The following NFAT5 variants were observed in gnomAD, a reference collection of about 807,000 sequenced individuals.
NFAT5 encodes nuclear factor of activated T cells 5.
Under a neutral mutation model 166.5 loss-of-function variants are expected in NFAT5, and 31 were observed. That is an observed-to-expected ratio of 0.19 (90% CI 0.14 to 0.25). NFAT5 has a LOEUF of 0.25. Ranked by LOEUF, NFAT5 falls within the 10% of genes least tolerant of loss-of-function variation. The probability of loss-of-function intolerance (pLI) is 1.00; values close to 1 mark genes in which losing one functional copy is unlikely to be tolerated. For missense variants in NFAT5, 1,449 were observed against 1,821.8 expected (o/e 0.80, Z 3.72); for synonymous variants, 612 against 639.7 (o/e 0.96, Z 0.65).
intron 3 of NFAT5, among the ~76,000 whole-genome samples, chr16:69,633,830 C>T (rs1375725024): frequency 6.6e-6 from 1 of 152,012 alleles, no homozygotes; most frequent in Non-Finnish European, 1.5e-5. Context: ...AAGGAAGATA[C>T]TGAACATTCC....
chr16:69,643,980 A>G (rs758253248), intron 3 of NFAT5, among the ~76,000 whole-genome samples: 13 of 152,204 alleles, frequency 8.5e-5, no homozygotes, highest in Non-Finnish European at 1.5e-4. Flanking sequence ...CAGAGGATCA[A>G]TAGTACCATG....
intron 2 of NFAT5, among the ~76,000 whole-genome samples, chr16:69,604,212 ACACT>A (rs1464982250): frequency 1.3e-5 from 2 of 152,196 alleles, no homozygotes; most frequent in East Asian, 3.9e-4. Context: ...GTGCACACAC[ACACT>A]CCGTACTTCC....
At chr16:69,644,118 C>T (rs2035333767) in intron 3 of NFAT5, among the ~76,000 whole-genome samples, 1 of 151,856 alleles carries the variant, frequency 6.6e-6, no homozygotes, top group Admixed American at 6.6e-5. Flanking sequence ...AACTTTGCCT[C>T]TACAAATAAT....
rs369235958 is a variant in NFAT5 at position 69,692,516 on chromosome 16, ACAG to A, written c.2709_2711del (p.Gln906del). ...AGTCTGAAAACACGTTATCTAATCA[ACAG>A]CAGCAGCAGCAGCAGCAACAGCAAG... On this transcript the variant is annotated inframe_deletion, in exon 13 of 15. Coordinates refer to ENST00000349945, the MANE Select transcript of NFAT5 (RefSeq NM_138713.4). 82 of 1,607,930 alleles carry A rather than the reference ACAG, an allele frequency of 5.1e-5. No individual in the cohort carries two copies. In the South Asian group the frequency reaches 5.5e-4, roughly 11 times the overall value.
intron 2 of NFAT5, among the ~76,000 whole-genome samples, chr16:69,598,245 G>A (rs1597376749): frequency 6.6e-6 from 1 of 151,890 alleles, no homozygotes; most frequent in East Asian, 1.9e-4. Flanking sequence ...TGGCATGGTG[G>A]TGTGTGCCTG....
chr16:69,588,434 G>A (rs921935129), intron 2 of NFAT5, among the ~76,000 whole-genome samples: 5 of 152,172 alleles, frequency 3.3e-5, no homozygotes, highest in Non-Finnish European at 7.4e-5. Flanking sequence ...AGCTTCAAAA[G>A]AGAGATGATT....
chr16:69,654,505 A>T (rs554395987), intron 5 of NFAT5, among the ~76,000 whole-genome samples: 1 of 152,212 alleles, frequency 6.6e-6, no homozygotes, highest in Non-Finnish European at 1.5e-5. Flanking sequence ...GCAAGTGAGA[A>T]ATCTATGTTA....
intron 2 of NFAT5, among the ~76,000 whole-genome samples, chr16:69,584,362 T>C (rs2031899537): frequency 6.6e-6 from 1 of 151,144 alleles, no homozygotes; most frequent in Admixed American, 6.6e-5. Context: ...TCATCTGGAC[T>C]GCAATGCAGT....
intron 3 of NFAT5, chr16:69,644,961 T>C (rs1316579252): frequency 3.2e-6 from 1 of 315,388 alleles, no homozygotes; most frequent in Non-Finnish European, 6.3e-6. Flanking sequence ...GCTGCATACT[T>C]GTATTTCTCT....
At chr16:69,695,006 C>A in intron 13 of NFAT5, 130 bp from the exon 14 acceptor site, 1 of 692,914 alleles carries the variant, frequency 1.4e-6, no homozygotes, top group Non-Finnish European at 2.4e-6. Context: ...AAGGAGAATG[C>A]AGTAATGAAT....
chr16:69,694,055 T>C lies in NFAT5; in HGVS notation c.4230T>C (p.Asp1410=). The change falls in exon 13 of 15, where the codon GAT becomes GAC. Residue 1410 remains aspartate (D), a synonymous_variant. Coordinates refer to ENST00000349945, the MANE Select transcript of NFAT5 (RefSeq NM_138713.4). ...TGCAGACCAGTATAAATCAACAAGATATGCAACAGTCTCCTCTTTATTCCC... is the reference window on the plus strand; with the variant it reads ...TGCAGACCAGTATAAATCAACAAGACATGCAACAGTCTCCTCTTTATTCCC... ...SALQTSINQQ[D]MQQSPLYSPQ... The C allele has an allele frequency of 4.3e-6, 7 of 1,614,082 alleles. No individual in the cohort carries two copies. Among genetic ancestry groups the C allele is most frequent in the Non-Finnish European group, 5.9e-6 (7 of 1,179,956 alleles).
rs762586717 is a variant in NFAT5, at chr16:69,693,371, G to A, written c.3546G>A (p.Pro1182=). 71 of 1,613,868 alleles carry A rather than the reference G, an allele frequency of 4.4e-5. No homozygotes were observed. The highest frequency in any genetic ancestry group is 1.6e-4 in the Middle Eastern group (1 of 6,084). The change falls in exon 13 of 15, where the codon CCG becomes CCA. Residue 1182 remains proline, a synonymous_variant. Transcript: ENST00000349945. ...CCCAAGAAGCATTTTTTGCAGCACC[G>A]AACTCAATTTCTCCACTTCAGTCAA... ...TVAQEAFFAA[P]NSISPLQSTS...
chr16:69,569,529 A>T (rs2016312655), intron 2 of NFAT5, among the ~76,000 whole-genome samples: 1 of 152,086 alleles, frequency 6.6e-6, no homozygotes, highest in African/African-American at 2.4e-5. Context: ...GTGGGGGGCA[A>T]GTGGGTTTTG....
At chr16:69,688,011 G>C in intron 11 of NFAT5, among the ~76,000 whole-genome samples, 1 of 150,416 alleles carries the variant, frequency 6.6e-6, no homozygotes. Context: ...TGGCTAACAA[G>C]GTGAAACCCC....
chr16:69,654,408 G>A lies in NFAT5; in HGVS notation c.1005+980G>A, dbSNP rs532408018. ...GCCACCATTTATAAGGTTGTTAATAGTCACGTGTACAATATCAAGTCTACC... is the reference window on the plus strand; with the variant it reads ...GCCACCATTTATAAGGTTGTTAATAATCACGTGTACAATATCAAGTCTACC... On this transcript the variant is annotated intron_variant, in intron 5 of 14. Coordinates refer to ENST00000349945, the MANE Select transcript of NFAT5 (RefSeq NM_138713.4). 2.0e-5 allele frequency among the ~76,000 whole-genome samples: 3 copies of A among 152,264 alleles called. No individual in the cohort carries two copies. The South Asian group carries it at 6.2e-4, about 32-fold the overall frequency.
chr16:69,633,853 A>G (rs1182927973), intron 3 of NFAT5, among the ~76,000 whole-genome samples: 1 of 152,206 alleles, frequency 6.6e-6, no homozygotes, highest in Non-Finnish European at 1.5e-5. Context: ...ACACAAAGAA[A>G]TGATAAATAT....
chr16:69,607,553 C>T (rs2033480475), intron 2 of NFAT5, among the ~76,000 whole-genome samples: 2 of 152,128 alleles, frequency 1.3e-5, no homozygotes, highest in African/African-American at 4.8e-5. Flanking sequence ...GAGTCTTAAC[C>T]CCTTAATTCT....
intron 2 of NFAT5, among the ~76,000 whole-genome samples, chr16:69,611,216 A>T (rs1316273317): frequency 4.6e-5 from 7 of 152,210 alleles, no homozygotes; most frequent in Non-Finnish European, 7.3e-5. Flanking sequence ...AGGAATGATT[A>T]TTAAATATAT....
At chr16:69,624,963 G>C (rs368043529) in intron 2 of NFAT5, among the ~76,000 whole-genome samples, 1 of 151,088 alleles carries the variant, frequency 6.6e-6, no homozygotes, top group Non-Finnish European at 1.5e-5. Context: ...GCAATGGCGC[G>C]ATCTTGGCTC....
Sources: gnomAD v4.1 joint callset for allele counts (sites outside exome capture counted in the v4.1 genomes callset) on GRCh38, gnomAD v4.1.1 for gene constraint, MANE v1.5 for transcripts, NCBI Gene and HGNC (gene_info 2026-07-23, HGNC 2026-07-21) for gene names.